Variants in ABHD2 observed in about 807,000 individuals in gnomAD.
The protein encoded by ABHD2 is abhydrolase domain containing 2, acylglycerol lipase.
Under a neutral mutation model 48.1 loss-of-function variants are expected in ABHD2, and 20 were observed. The observed-to-expected ratio is 0.42, with a 90% CI of 0.29 to 0.60. ABHD2 has a LOEUF of 0.60. Among genes scored for constraint, ABHD2 ranks in the 20% least tolerant of loss-of-function variants. ABHD2 has a pLI of 0.24. For synonymous variants in ABHD2, 209 were observed against 214.2 expected (o/e 0.98, Z 0.21); for missense variants, 405 against 550.9 (o/e 0.74, Z 2.65).
At chr15:89,064,721 A>G in the ABHD2 span, among the ~76,000 whole-genome samples, 1 of 152,206 alleles carries the variant, frequency 6.6e-6, no homozygotes, top group South Asian at 2.1e-4. Flanking sequence ...GCTAACAATG[A>G]ACACTTGATT....
At chr15:89,191,627 C>CTT (rs57919032) in intron 9 of ABHD2, among the ~76,000 whole-genome samples, 1 of 121,738 alleles carries the variant, frequency 8.2e-6, no homozygotes, top group African/African-American at 3.1e-5. Flanking sequence ...CTATTTTTTT[C>CTT]TTTTTTTTTT....
rs751396460 is a variant in ABHD2, at chr15:89,197,472, A to G, written c.*2049A>G. On this transcript the variant is annotated 3_prime_UTR_variant, in exon 11 of 11. Transcript: ENST00000352732. This position sits in a 1 kb window ranked among gnomAD's most constrained non-coding sequence, Gnocchi z 4.4. ...GAACATTCATAGTCATATTTCTGCT[A>G]CTACTACCTTCATTTATCAAGACTT... 6.6e-6 allele frequency: 1 copy of G among 152,604 alleles called. No individual in the cohort carries two copies. The highest frequency in any genetic ancestry group is 1.5e-5 in the Non-Finnish European group (1 of 68,044). 9.5% of individuals were successfully genotyped at this position (152,604 alleles called of 1,614,324 possible).
chr15:89,190,970 C>A, intron 8 of ABHD2, 110 bp from the exon 9 acceptor site: 1 of 1,022,646 alleles, frequency 9.8e-7, no homozygotes, highest in South Asian at 1.5e-5. Context: ...TCTACTCTAC[C>A]AATGCCACAA....
In ABHD2 at chr15:89,184,935, T is replaced by C. The variant is rs1052302710; in HGVS notation, c.723-489T>C. On this transcript the variant is annotated intron_variant, in intron 6 of 10. Transcript: ENST00000352732. The surrounding 1 kb of genome is among the most constrained non-coding windows in gnomAD (Gnocchi z 5.1). ...AAAAGATAGATGTATTTGGAGGAGA[T>C]CCCAGTTAATGATTTTCCTTTACCT... Among the ~76,000 whole-genome samples the C allele has an allele frequency of 1.3e-5, 2 of 152,180 alleles. No homozygotes were observed. Among genetic ancestry groups the C allele is most frequent in the South Asian group, 4.1e-4 (2 of 4,828 alleles).
At chr15:89,083,769 G>A (rs531901459), upstream of ABHD2, among the ~76,000 whole-genome samples, 55 of 152,286 alleles carry the variant, frequency 3.6e-4, 2 homozygotes, top group South Asian at 0.011. The surrounding 1 kb of genome is among the most constrained non-coding windows in gnomAD (Gnocchi z 5.1). Flanking sequence ...CTGGCCACCA[G>A]AAAGCCTTTT....
rs528050885 is a variant in ABHD2 at position 89,139,192 on chromosome 15, C to T, written c.195-12485C>T. Among the ~76,000 whole-genome samples the T allele has an allele frequency of 1.3e-3, 198 of 152,286 alleles. 1 individual carries two copies. The highest frequency in any genetic ancestry group is 4.6e-3 in the African/African-American group (193 of 41,562). Reference sequence around the variant, plus strand: ...TACCACTGCACTCCAGCCTGGGTGACAGAGTAAGACCTTGTCTCTAAAAAT... The same window carrying T: ...TACCACTGCACTCCAGCCTGGGTGATAGAGTAAGACCTTGTCTCTAAAAAT... On this transcript the variant is annotated intron_variant, in intron 3 of 10. Transcript: ENST00000352732.
At chr15:89,118,745 G>A (rs778407295) in intron 3 of ABHD2, among the ~76,000 whole-genome samples, 5 of 152,146 alleles carry the variant, frequency 3.3e-5, no homozygotes, top group Non-Finnish European at 7.3e-5. Context: ...ATCATGTAAG[G>A]TTTGATTCCA....
intron 4 of ABHD2, among the ~76,000 whole-genome samples, chr15:89,152,206 G>C (rs1393455319): frequency 1.3e-5 from 2 of 151,958 alleles, no homozygotes; most frequent in Non-Finnish European, 2.9e-5. Flanking sequence ...CTCCCGAGTA[G>C]CTGGGACTAC....
rs368319755 is a variant in ABHD2, at chr15:89,155,351, T to C, written c.371-16T>C. On this transcript the variant is annotated splice_polypyrimidine_tract_variant and intron_variant, in intron 4 of 10. Transcript: ENST00000352732. This position sits in a 1 kb window ranked among gnomAD's most constrained non-coding sequence, Gnocchi z 4.9. ...CATTTCTTGGATACATCAGGATCTC[T>C]TTCTCTACGCTATAGATGATATCAC... The C allele has an allele frequency of 6.2e-7, 1 of 1,607,460 alleles. No homozygotes were observed. The highest frequency in any genetic ancestry group is 1.3e-5 in the African/African-American group (1 of 74,954).
In ABHD2 at chr15:89,166,442, G is replaced by A. The variant is rs2050839643; in HGVS notation, c.539-9370G>A. Among the ~76,000 whole-genome samples, 1 of 152,204 alleles carries A rather than the reference G, an allele frequency of 6.6e-6. No homozygotes were observed. The highest frequency in any genetic ancestry group is 6.5e-5 in the Admixed American group (1 of 15,290). ...CAGCATTGAATTCTCTTGCTGGGAG[G>A]AGGAAATCTTTAATGTCCAACTGGG... On this transcript the variant is annotated intron_variant, in intron 5 of 10. Transcript: ENST00000352732. The surrounding 1 kb of genome is among the most constrained non-coding windows in gnomAD (Gnocchi z 4.6).
At chr15:89,150,568 G>C (rs2050574715) in intron 3 of ABHD2, among the ~76,000 whole-genome samples, 2 of 152,270 alleles carry the variant, frequency 1.3e-5, no homozygotes, top group South Asian at 4.1e-4. Context: ...CTGGGAACTG[G>C]TTTGCTTAAG....
chr15:89,199,067 T>TCATTCTAAAACTACAGTCTTC lies in ABHD2; in HGVS notation c.*3645_*3665dup, dbSNP rs1403333812. On this transcript the variant is annotated 3_prime_UTR_variant, in exon 11 of 11. Coordinates refer to ENST00000352732, the MANE Select transcript of ABHD2 (RefSeq NM_152924.5). This position sits in a 1 kb window ranked among gnomAD's most constrained non-coding sequence, Gnocchi z 4.1. Reference sequence around the variant, plus strand: ...GCAGAAATCCTTCCTGCTCAGGCTTTCATTCTAAAACTACAGTCTTCATTA... The same window carrying TCATTCTAAAACTACAGTCTTC: ...GCAGAAATCCTTCCTGCTCAGGCTTTCATTCTAAAACTACAGTCTTCCATTCTAAAACTACAGTCTTCATTA... 6.6e-6 allele frequency: 1 copy of TCATTCTAAAACTACAGTCTTC among 152,080 alleles called. No individual in the cohort carries two copies. The highest frequency in any genetic ancestry group is 1.5e-5 in the Non-Finnish European group (1 of 68,038). The allele number at this position is 152,080 out of a possible 1,614,324, so 9.4% of individuals were successfully genotyped here. A position where few individuals can be genotyped will look rare whatever the true frequency, so the allele number is the denominator to read the frequency against.
At chr15:89,161,698 G>A (rs1287992500) in intron 5 of ABHD2, among the ~76,000 whole-genome samples, 5 of 152,216 alleles carry the variant, frequency 3.3e-5, no homozygotes, top group African/African-American at 1.2e-4. Flanking sequence ...ACTGCACCCA[G>A]CTTCAAAGAT....
chr15:89,126,677 A>G (rs538698383), intron 3 of ABHD2, among the ~76,000 whole-genome samples: 1 of 152,276 alleles, frequency 6.6e-6, no homozygotes, highest in South Asian at 2.1e-4. Flanking sequence ...TATATTCTGG[A>G]GGGTAAGTAA....
chr15:89,191,627 C>CTTTTT (rs57919032), intron 9 of ABHD2, among the ~76,000 whole-genome samples: 1 of 121,744 alleles, frequency 8.2e-6, no homozygotes, highest in African/African-American at 3.1e-5. Context: ...CTATTTTTTT[C>CTTTTT]TTTTTTTTTT....
intron 3 of ABHD2, chr15:89,136,162 T>TC (rs2050308532): frequency 4.5e-6 from 1 of 221,040 alleles, no homozygotes; most frequent in African/African-American, 2.4e-5. Context: ...CTCCTGACCT[T>TC]AGGTGATCTA....
intron 3 of ABHD2, among the ~76,000 whole-genome samples, chr15:89,145,730 G>A (rs1342662524): frequency 6.6e-6 from 1 of 152,200 alleles, no homozygotes; most frequent in Non-Finnish European, 1.5e-5. Context: ...TGAAATTGAA[G>A]GCATCCCTTT....
the ABHD2 span, among the ~76,000 whole-genome samples, chr15:89,046,069 C>T: frequency 6.6e-6 from 1 of 152,126 alleles, no homozygotes; most frequent in Non-Finnish European, 1.5e-5. Context: ...GAAATACGTC[C>T]CATCAGTACC....
At chr15:89,049,175 G>A in the ABHD2 span, among the ~76,000 whole-genome samples, 3 of 152,184 alleles carry the variant, frequency 2.0e-5, no homozygotes, top group Non-Finnish European at 4.4e-5. Context: ...GCCCCTGCTG[G>A]GGGGTGCCTC....
Sources: allele counts gnomAD v4.1 joint callset (sites outside exome capture counted in the v4.1 genomes callset), GRCh38; gene constraint gnomAD v4.1.1; non-coding constraint Gnocchi (gnomAD v3.1); transcripts MANE v1.5; gene names NCBI Gene and HGNC (gene_info 2026-07-23, HGNC 2026-07-21).